Variants in SH3GL2 observed in about 807,000 individuals in gnomAD.
SH3GL2 encodes the protein SH3 domain containing GRB2 like 2, endophilin A1.
In SH3GL2, 24 loss-of-function variants were observed where a neutral mutation model predicts 46.0. The ratio of observed to expected loss-of-function variants is 0.52; its 90% CI spans 0.38 to 0.73. The LOEUF is 0.73. SH3GL2 is among the 30% of genes least tolerant of loss of function. SH3GL2 has a pLI of 0.00. For missense variants in SH3GL2, 413 were observed against 424.2 expected, an observed-to-expected ratio of 0.97 and a Z score of 0.23; for synonymous variants, 196 against 147.1, an observed-to-expected ratio of 1.33 and a Z score of -2.40.
At chr9:17,769,687 A>G (rs1312621924) in intron 3 of SH3GL2, among the ~76,000 whole-genome samples, 3 of 151,770 alleles carry the variant, frequency 2.0e-5, no homozygotes, top group Non-Finnish European at 2.9e-5. Flanking sequence ...CATCCCTCTC[A>G]TACCTCCTTA....
chr9:17,678,809 T>C (rs1031143303), intron 1 of SH3GL2, among the ~76,000 whole-genome samples: 2 of 152,176 alleles, frequency 1.3e-5, no homozygotes, highest in Admixed American at 6.5e-5. Context: ...GATTTTTGTA[T>C]AAGGTGTAAG....
chr9:17,671,652 A>G (rs1820478399), intron 1 of SH3GL2, among the ~76,000 whole-genome samples: 1 of 152,172 alleles, frequency 6.6e-6, no homozygotes, highest in Non-Finnish European at 1.5e-5. Flanking sequence ...TTATAAAAGC[A>G]AAAAACAAAA....
intron 1 of SH3GL2, among the ~76,000 whole-genome samples, chr9:17,604,695 C>T (rs1215594987): frequency 1.3e-5 from 2 of 152,044 alleles, no homozygotes; most frequent in Non-Finnish European, 2.9e-5. Context: ...TGGTAATGAC[C>T]CAGGTCAGTT....
intron 3 of SH3GL2, among the ~76,000 whole-genome samples, chr9:17,782,358 T>C (rs573136068): frequency 6.6e-6 from 1 of 152,288 alleles, no homozygotes; most frequent in African/African-American, 2.4e-5. Context: ...CATCCTCACA[T>C]AGAGCAGATT....
chr9:17,774,540 T>A (rs1222215917), intron 3 of SH3GL2, among the ~76,000 whole-genome samples: 1 of 146,096 alleles, frequency 6.8e-6, no homozygotes, highest in Non-Finnish European at 1.5e-5. Flanking sequence ...ATTGAGATGA[T>A]CGTGTGTGTG....
intron 1 of SH3GL2, among the ~76,000 whole-genome samples, chr9:17,638,588 G>T (rs1015373140): frequency 6.6e-6 from 1 of 152,214 alleles, no homozygotes; most frequent in African/African-American, 2.4e-5. Context: ...ATAAGCTGAG[G>T]CTTAAAGAAT....
chr9:17,604,240 A>C (rs997721030), intron 1 of SH3GL2, among the ~76,000 whole-genome samples: 1 of 152,174 alleles, frequency 6.6e-6, no homozygotes, highest in African/African-American at 2.4e-5. Context: ...AGAGCTGGAC[A>C]CTGGACTCTG....
chr9:17,760,953 G>T (rs1415461917), intron 2 of SH3GL2, among the ~76,000 whole-genome samples: 3 of 152,142 alleles, frequency 2.0e-5, no homozygotes, highest in Non-Finnish European at 4.4e-5. Flanking sequence ...TTAACCAAAA[G>T]TTCAAGGACA....
chr9:17,713,989 T>C (rs1477339599), intron 1 of SH3GL2, among the ~76,000 whole-genome samples: 2 of 151,740 alleles, frequency 1.3e-5, no homozygotes, highest in East Asian at 1.9e-4. Flanking sequence ...AATCCTCAAC[T>C]TTAATTTAGG....
chr9:17,670,122 A>G (rs958504965), intron 1 of SH3GL2, among the ~76,000 whole-genome samples: 1 of 151,996 alleles, frequency 6.6e-6, no homozygotes, highest in African/African-American at 2.4e-5. Context: ...AGCCTGAGCT[A>G]CTCCATGTTG....
At chr9:17,666,545 C>CAT (rs112240956) in intron 1 of SH3GL2, among the ~76,000 whole-genome samples, 1 of 142,046 alleles carries the variant, frequency 7.0e-6, no homozygotes, top group African/African-American at 2.6e-5. Context: ...ACAAAGGTAA[C>CAT]GTGTGTGTGT....
At chr9:17,584,575 G>C (rs1367863591) in intron 1 of SH3GL2, among the ~76,000 whole-genome samples, 2 of 152,180 alleles carry the variant, frequency 1.3e-5, no homozygotes, top group South Asian at 2.1e-4. Flanking sequence ...CACTCCAACA[G>C]TTCTGTTACT....
chr9:17,752,299 C>T (rs144988523), intron 2 of SH3GL2, among the ~76,000 whole-genome samples: 4 of 152,214 alleles, frequency 2.6e-5, no homozygotes, highest in Admixed American at 6.5e-5. Context: ...TGTTCTTGTT[C>T]AGGAGTCTCA....
chr9:17,658,339 T>C (rs1043155729), intron 1 of SH3GL2, among the ~76,000 whole-genome samples: 14 of 152,222 alleles, frequency 9.2e-5, no homozygotes, highest in Non-Finnish European at 2.1e-4. Flanking sequence ...TAGCAAATTA[T>C]ACTGCTTCCT....
At chr9:17,688,449 G>T (rs1820983715) in intron 1 of SH3GL2, among the ~76,000 whole-genome samples, 1 of 152,030 alleles carries the variant, frequency 6.6e-6, no homozygotes, top group Non-Finnish European at 1.5e-5. Flanking sequence ...ATAAGCAGGA[G>T]AAGACAAACG....
Position 17,795,783 on chromosome 9 carries a change from A to G in SH3GL2, c.*40A>G, listed in dbSNP as rs1184690316. On this transcript the variant is annotated 3_prime_UTR_variant, in exon 9 of 9. Coordinates refer to ENST00000380607, the MANE Select transcript of SH3GL2 (RefSeq NM_003026.5). ...TGGCTCGCCTCCTCTTGACCCAGAT[A>G]GTTACGGTTAACCACTGCTTTGGCA... The G allele has an allele frequency of 6.6e-7, 1 of 1,525,410 alleles. No homozygotes were observed. Among genetic ancestry groups the G allele is most frequent in the Non-Finnish European group, 9.0e-7 (1 of 1,105,632 alleles). The allele number at this position is 1,525,410 out of a possible 1,614,324, so 94.5% of individuals were successfully genotyped here.
At chr9:17,746,765 A>C (rs1250937562) in intron 1 of SH3GL2, among the ~76,000 whole-genome samples, 1 of 152,186 alleles carries the variant, frequency 6.6e-6, no homozygotes, top group Non-Finnish European at 1.5e-5. Context: ...AACTTTCAAG[A>C]GGAAAATGTT....
chr9:17,599,360 G>C (rs1818628153), intron 1 of SH3GL2, among the ~76,000 whole-genome samples: 1 of 152,152 alleles, frequency 6.6e-6, no homozygotes, highest in South Asian at 2.1e-4. Context: ...ATTAAGATTT[G>C]CAGCATACAA....
intron 1 of SH3GL2, among the ~76,000 whole-genome samples, chr9:17,746,303 C>T (rs1242205113): frequency 6.6e-6 from 1 of 152,118 alleles, no homozygotes; most frequent in Non-Finnish European, 1.5e-5. Context: ...GTCTCAATCT[C>T]CTGACCTCGT....
Sources: allele counts gnomAD v4.1 joint callset (sites outside exome capture counted in the v4.1 genomes callset), GRCh38; gene constraint gnomAD v4.1.1; transcripts MANE v1.5; gene names NCBI Gene and HGNC (gene_info 2026-07-23, HGNC 2026-07-21).